FXR2: variants seen among roughly 807,000 people sequenced by gnomAD.
The protein encoded by FXR2 is FMR1 autosomal homolog 2, also known as RNA-binding protein FXR2.
In FXR2, 9 loss-of-function variants were observed where a neutral mutation model predicts 87.3. The observed-to-expected ratio is 0.10, with a 90% CI of 0.06 to 0.18. The LOEUF (loss-of-function observed/expected upper bound fraction) is 0.18, where lower values mean the gene tolerates loss of function less well. Ranked by LOEUF, FXR2 falls within the 10% of genes least tolerant of loss-of-function variation. The pLI is 1.00. For missense variants in FXR2, 661 were observed against 893.6 expected, an observed-to-expected ratio of 0.74 and a Z score of 3.32; for synonymous variants, 331 against 328.3, an observed-to-expected ratio of 1.01 and a Z score of -0.09.
At chr17:7,609,921 CATGTATATGTATATATATACAT>C (rs2071836681) in intron 1 of FXR2, among the ~76,000 whole-genome samples, 4 of 130,536 alleles carry the variant, frequency 3.1e-5, no homozygotes, top group African/African-American at 6.0e-5. Flanking sequence ...TGTATATATA[CATGTATATGTATATATATACAT>C]GTATATGTAT....
intron 1 of FXR2, among the ~76,000 whole-genome samples, chr17:7,608,051 A>C (rs1187161361): frequency 6.6e-6 from 1 of 152,074 alleles, no homozygotes; most frequent in Non-Finnish European, 1.5e-5. Context: ...TCAGCCTCCC[A>C]AAGTGCTGGG....
intron 1 of FXR2, among the ~76,000 whole-genome samples, chr17:7,607,335 AAAAG>A (rs1485564439): frequency 6.6e-6 from 1 of 151,980 alleles, no homozygotes. Flanking sequence ...AAAAAAAAGA[AAAAG>A]AAAAAGAAAT....
chr17:7,601,472 G>A lies in FXR2; in HGVS notation c.597C>T (p.Phe199=). The A allele has an allele frequency of 6.2e-7, 1 of 1,613,536 alleles. No individual in the cohort carries two copies. ...GTAGCAGTTTGGTGCGCAGGCTTCG[G>A]AAATGCATATCACCCAGCAGAGATG... ...KRASLLGDMH[F]RSLRTKLLLM... is the part of the protein sequence containing the mutation. Residue 199 remains phenylalanine (F), a synonymous_variant, in exon 7 of 17, where the codon TTC becomes TTT. Transcript: ENST00000250113.
chr17:7,600,462 C>A (rs942824019), intron 7 of FXR2, among the ~76,000 whole-genome samples: 1 of 150,982 alleles, frequency 6.6e-6, no homozygotes, highest in Non-Finnish European at 1.5e-5. Flanking sequence ...TAAAGTGCTG[C>A]GATTAAAGGC....
At position 7,603,991 on chromosome 17, in the gene FXR2, G is replaced by A; in HGVS notation, c.300+18C>T. 1 of 1,598,880 alleles carries A rather than the reference G, an allele frequency of 6.3e-7. No individual in the cohort carries two copies. The highest frequency in any genetic ancestry group is 8.5e-7 in the Non-Finnish European group (1 of 1,172,512). On this transcript the variant is annotated intron_variant, in intron 4 of 16. Transcript: ENST00000250113. ...TATTTGTTTCAGTAGTTCTCCAAAGGCATTCCCAGTCACTCACATCTCCCT... is the reference window on the plus strand; with the variant it reads ...TATTTGTTTCAGTAGTTCTCCAAAGACATTCCCAGTCACTCACATCTCCCT...
intron 1 of FXR2, among the ~76,000 whole-genome samples, chr17:7,606,525 G>T (rs890297629): frequency 3.3e-5 from 5 of 152,166 alleles, no homozygotes; most frequent in Admixed American, 6.5e-5. Flanking sequence ...ACAGTGTGAG[G>T]CTGTCCTGGA....
At chr17:7,610,049 C>CATGTATATGTATACATGTATGTATATAT (rs1567754155) in intron 1 of FXR2, among the ~76,000 whole-genome samples, 364 of 35,692 alleles carry the variant, frequency 0.01, 7 homozygotes, top group African/African-American at 0.041. Flanking sequence ...TATATATATA[C>CATGTATATGTATACATGTATGTATATAT]ACACACACAC....
At position 7,592,010 on chromosome 17, in the gene FXR2, C is replaced by T; in HGVS notation, c.1927-85G>A. On this transcript the variant is annotated intron_variant, in intron 16 of 16. Transcript: ENST00000250113. The surrounding 1 kb of genome is among the most constrained non-coding windows in gnomAD (Gnocchi z 4.8). Reference sequence around the variant, plus strand: ...GGGAGACATTCCCTACCATCCAAGCCCTCCTGGCATTTGGTGATCCAGAGG... The same window carrying T: ...GGGAGACATTCCCTACCATCCAAGCTCTCCTGGCATTTGGTGATCCAGAGG... 8.4e-7 allele frequency: 1 copy of T among 1,189,134 alleles called. No individual in the cohort carries two copies. The highest frequency in any genetic ancestry group is 1.2e-6 in the Non-Finnish European group (1 of 844,442). The allele number at this position is 1,189,134 out of a possible 1,614,324, so 73.7% of individuals were successfully genotyped here. A position where few individuals can be genotyped will look rare whatever the true frequency, so the allele number is the denominator to read the frequency against.
chr17:7,604,469 A>C (rs1282208270), intron 3 of FXR2, among the ~76,000 whole-genome samples: 2 of 152,050 alleles, frequency 1.3e-5, no homozygotes, highest in African/African-American at 4.8e-5. Context: ...AGGTGGGCTG[A>C]TCACCTGAAG....
intron 1 of FXR2, among the ~76,000 whole-genome samples, chr17:7,610,020 GTA>G (rs2071847668): frequency 8.4e-6 from 1 of 118,768 alleles, no homozygotes; most frequent in Non-Finnish European, 1.9e-5. Context: ...ATATATACAT[GTA>G]TATGTATACA....
Position 7,592,741 on chromosome 17 carries a change from T to A in FXR2, c.1682A>T (p.Asp561Val), listed in dbSNP as rs771498964. ...GGGCCCATCTGATTCCAGGCCTCCA[T>A]CCATGACGGTCCTGTCTTCATCAGT... ...RRTDEDRTVMDGGLESDGPNM... is the reference protein window; with the variant it reads ...RRTDEDRTVMVGGLESDGPNM... The change falls in exon 14 of 17, where the codon GAT (aspartate) becomes GTT (valine). Residue 561 changes from aspartate (D) to valine (V), a missense_variant. Asp to Val is a radical substitution (Grantham distance 152, BLOSUM62 -3). Transcript: ENST00000250113. The surrounding 1 kb of genome is among the most constrained non-coding windows in gnomAD (Gnocchi z 4.8). The A allele has an allele frequency of 8.7e-6, 14 of 1,612,878 alleles. No individual in the cohort carries two copies. Among genetic ancestry groups the A allele is most frequent in the African/African-American group, 1.3e-5 (1 of 74,532 alleles).
At chr17:7,604,179 C>A in intron 3 of FXR2, 99 bp from the exon 4 acceptor site, 2 of 906,370 alleles carry the variant, frequency 2.2e-6, no homozygotes, top group South Asian at 2.9e-5. Context: ...CACCTGTAAT[C>A]TCAGCGCTTT....
Position 7,593,565 on chromosome 17 carries a change from G to A in FXR2, c.1168C>T (p.Leu390=), listed in dbSNP as rs751356989. 7.5e-6 allele frequency: 12 copies of A among 1,597,500 alleles called. No homozygotes were observed. The African/African-American group carries it at 1.2e-4, about 16-fold the overall frequency. ...CCACTCCCAGGAGGGCGAAAGCCCA[G>A]CCCAATCTGCCGAAGCTGCTCATCA... The part of the protein sequence containing the change: ...QIDEQLRQIG[L]GFRPPGSGRG... The change falls in exon 12 of 17, where the codon CTG becomes TTG. Residue 390 remains leucine (L), a synonymous_variant. Transcript: ENST00000250113. This position sits in a 1 kb window ranked among gnomAD's most constrained non-coding sequence, Gnocchi z 6.1.
chr17:7,604,303 G>A lies in FXR2; in HGVS notation c.229-223C>T, dbSNP rs189665641. On this transcript the variant is annotated intron_variant, in intron 3 of 16. Transcript: ENST00000250113. ...GGGGCTGCTGGGCACAGTGGCTCAA[G>A]CTTATAATCCCAGCACTTTGGAAGG... Among the ~76,000 whole-genome samples, 1,331 of 152,028 alleles carry A rather than the reference G, an allele frequency of 8.8e-3. 15 individuals carry two copies. Among genetic ancestry groups the A allele is most frequent in the African/African-American group, 0.03 (1,244 of 41,450 alleles).
rs774609555 is a variant in FXR2 at position 7,593,154 on chromosome 17, G to A, written c.1358C>T (p.Ser453Leu). The A allele has an allele frequency of 3.2e-6, 5 of 1,541,734 alleles. No individual in the cohort carries two copies. The highest frequency in any genetic ancestry group is 4.4e-6 in the Non-Finnish European group (5 of 1,147,264). The change falls in exon 13 of 17, where the codon TCA (serine) becomes TTA (leucine). Residue 453 changes from serine to leucine, a missense_variant. Around this residue, in one of 3 missense-constraint regions of FXR2, gnomAD observed 409 missense variants for 432.0 expected, o/e 0.95. Coordinates refer to ENST00000250113, the MANE Select transcript of FXR2 (RefSeq NM_004860.4). The surrounding 1 kb of genome is among the most constrained non-coding windows in gnomAD (Gnocchi z 6.1). ...YGPSSDVSTA[S>L]ETESEKREEP... Reference sequence around the variant, plus strand: ...CTCTCTCTTCTCTGACTCAGTCTCTGAAGCTGTAGACACATCTGAGCTGGG... The same window carrying A: ...CTCTCTCTTCTCTGACTCAGTCTCTAAAGCTGTAGACACATCTGAGCTGGG...
chr17:7,607,577 GCCA>G (rs1248668823), intron 1 of FXR2, among the ~76,000 whole-genome samples: 2 of 151,440 alleles, frequency 1.3e-5, no homozygotes, highest in African/African-American at 4.9e-5. Context: ...ACAGGCAACC[GCCA>G]CCACACCAGG....
chr17:7,609,933 T>TATATATACGTATATGTATAC (rs1567753741), intron 1 of FXR2, among the ~76,000 whole-genome samples: 50 of 103,954 alleles, frequency 4.8e-4, no homozygotes, highest in Non-Finnish European at 8.5e-4. Context: ...TGTATATGTA[T>TATATATACGTATATGTATAC]ATATATACAT....
chr17:7,598,287 A>G (rs569140145), intron 7 of FXR2, among the ~76,000 whole-genome samples: 1 of 147,080 alleles, frequency 6.8e-6, no homozygotes, highest in East Asian at 2.0e-4. Flanking sequence ...CATCTCTACT[A>G]AAAAAAAATA....
Position 7,595,901 on chromosome 17 carries a change from G to T in FXR2, c.754C>A (p.Gln252Lys). The change falls in exon 8 of 17, where the codon CAG becomes AAG. Residue 252 changes from glutamine (Q) to lysine (K), a missense_variant. Gln to Lys is a moderately conservative substitution (Grantham distance 53). This residue lies in a region of FXR2 where 82 missense variants were observed against 214.4 expected (regional missense o/e 0.38). Coordinates refer to ENST00000250113, the MANE Select transcript of FXR2 (RefSeq NM_004860.4). This position sits in a 1 kb window ranked among gnomAD's most constrained non-coding sequence, Gnocchi z 4.7. ...LAIGTHGANI[Q>K]QARKVPGVTA... Reference sequence around the variant, plus strand: ...ACCCCAGGTACTTTTCGGGCCTGCTGGATGTTGGCACCGTGAGTCCCAATT... The same window carrying T: ...ACCCCAGGTACTTTTCGGGCCTGCTTGATGTTGGCACCGTGAGTCCCAATT... The T allele has an allele frequency of 6.2e-7, 1 of 1,613,664 alleles. No individual in the cohort carries two copies. The highest frequency in any genetic ancestry group is 8.5e-7 in the Non-Finnish European group (1 of 1,179,688).
Sources: gnomAD v4.1 joint callset for allele counts (sites outside exome capture counted in the v4.1 genomes callset) on GRCh38, gnomAD v4.1.1 for gene constraint, gnomAD v4.1.1 regional missense constraint, Gnocchi (gnomAD v3.1) non-coding constraint, MANE v1.5 for transcripts, NCBI Gene and HGNC (gene_info 2026-07-23, HGNC 2026-07-21) for gene names.